Variants in ANKIB1 observed in about 807,000 individuals in gnomAD.
ANKIB1 encodes the protein ankyrin repeat and IBR domain containing 1, also known as ankyrin repeat and IBR domain-containing protein 1.
Under a neutral mutation model 122.1 loss-of-function variants are expected in ANKIB1, and 43 were observed. The observed-to-expected ratio is 0.35, with a 90% CI of 0.28 to 0.45. The LOEUF is 0.45. Ranked by LOEUF, ANKIB1 falls within the 20% of genes least tolerant of loss-of-function variation. The pLI is 1.00. For missense variants in ANKIB1, 992 were observed against 1,329.5 expected (o/e 0.75, Z 3.95); for synonymous variants, 390 against 442.0 (o/e 0.88, Z 1.48).
intron 11 of ANKIB1, among the ~76,000 whole-genome samples, chr7:92,377,526 C>A (rs1332590013): frequency 2.0e-5 from 3 of 152,050 alleles, no homozygotes; most frequent in Non-Finnish European, 4.4e-5. Flanking sequence ...GACCAGTAGA[C>A]CTTCTTCATG....
At chr7:92,309,923 T>TAAAA (rs869276384) in intron 3 of ANKIB1, among the ~76,000 whole-genome samples, 10 of 96,048 alleles carry the variant, frequency 1.0e-4, no homozygotes, top group East Asian at 4.7e-4. Context: ...AGACTCCATC[T>TAAAA]AAAAAAAAAA....
At chr7:92,346,029 C>T (rs753816992) in intron 7 of ANKIB1, among the ~76,000 whole-genome samples, 1 of 152,116 alleles carries the variant, frequency 6.6e-6, no homozygotes. Context: ...CTGTCATTCC[C>T]AGGTTTCCTC....
intron 5 of ANKIB1, among the ~76,000 whole-genome samples, chr7:92,328,196 T>C (rs1030697358): frequency 2.6e-5 from 4 of 152,182 alleles, no homozygotes; most frequent in East Asian, 1.9e-4. Flanking sequence ...TTGAGTGAGA[T>C]TGAGCATTGA....
At chr7:92,275,824 G>C (rs1801890087) in intron 1 of ANKIB1, among the ~76,000 whole-genome samples, 1 of 152,078 alleles carries the variant, frequency 6.6e-6, no homozygotes, top group Non-Finnish European at 1.5e-5. Context: ...GCCCTTGCTG[G>C]TTGCCTAACC....
rs116386283 is a variant in ANKIB1, at chr7:92,273,970, A to C, written c.-90-20919A>C. Reference sequence around the variant, plus strand: ...TTATTTTTTGTAGAGATGAAGTCCCACTATGTTGTCCGGGCTGGTCTTGAA... The same window carrying C: ...TTATTTTTTGTAGAGATGAAGTCCCCCTATGTTGTCCGGGCTGGTCTTGAA... On this transcript the variant is annotated intron_variant, in intron 1 of 19. Transcript: ENST00000265742. 7.1e-3 allele frequency among the ~76,000 whole-genome samples: 1,085 copies of C among 151,930 alleles called. 11 individuals carry two copies. The highest frequency in any genetic ancestry group is 0.025 in the African/African-American group (1,033 of 41,436).
rs1262955064 is a variant in ANKIB1, at chr7:92,398,278, T to TGATAA, written c.2599_2600insGATAA (p.Ser867Ter). ...TGCAATACAGTTATCACTGCAAGAG[T>TGATAA]CTGGGCTGGCCCTCGATGAAGAAAC... On this transcript the variant is annotated stop_gained and frameshift_variant, in exon 20 of 20. Transcript: ENST00000265742. LOFTEE classifies it high-confidence loss of function. The TGATAA allele has an allele frequency of 6.2e-7, 1 of 1,613,702 alleles. No homozygotes were observed. Among genetic ancestry groups the TGATAA allele is most frequent in the Non-Finnish European group, 8.5e-7 (1 of 1,179,784 alleles).
At chr7:92,317,765 G>T (rs1422778820) in intron 3 of ANKIB1, among the ~76,000 whole-genome samples, 3 of 152,126 alleles carry the variant, frequency 2.0e-5, no homozygotes, top group Admixed American at 6.5e-5. Flanking sequence ...CCGTTCCAAA[G>T]AACTTTATAG....
rs77257621 is a variant in ANKIB1, at chr7:92,390,366, G to A, written c.2052+250G>A. Reference sequence around the variant, plus strand: ...TGCAAACATTTCCTGTAGCATTTATGTCTTTGTTTTAAACTGGTTGAAGTT... The same window carrying A: ...TGCAAACATTTCCTGTAGCATTTATATCTTTGTTTTAAACTGGTTGAAGTT... On this transcript the variant is annotated intron_variant, in intron 15 of 19. Transcript: ENST00000265742. Among the ~76,000 whole-genome samples, 11 of 152,154 alleles carry A rather than the reference G, an allele frequency of 7.2e-5. No homozygotes were observed. In the East Asian group the frequency reaches 2.1e-3, roughly 29 times the overall value.
chr7:92,316,122 T>C (rs548258284), intron 3 of ANKIB1, among the ~76,000 whole-genome samples: 1 of 152,304 alleles, frequency 6.6e-6, no homozygotes, highest in Non-Finnish European at 1.5e-5. Flanking sequence ...AGGTAGAACA[T>C]TTTATGTGCC....
At chr7:92,287,668 G>A (rs1339203158) in intron 1 of ANKIB1, among the ~76,000 whole-genome samples, 1 of 151,842 alleles carries the variant, frequency 6.6e-6, no homozygotes, top group Admixed American at 6.6e-5. Flanking sequence ...TCAAACTTCT[G>A]TCCACAAATT....
At chr7:92,291,567 C>CTTTTTTTTT (rs1188174295) in intron 1 of ANKIB1, among the ~76,000 whole-genome samples, 36 of 116,508 alleles carry the variant, frequency 3.1e-4, no homozygotes, top group East Asian at 7.9e-4. Context: ...TTTTCTTTTT[C>CTTTTTTTTT]TTTTTTTTTT....
chr7:92,338,967 TATA>T (rs1803370155), intron 5 of ANKIB1, among the ~76,000 whole-genome samples: 1 of 96,954 alleles, frequency 1.0e-5, no homozygotes, highest in Admixed American at 1.0e-4. Context: ...TATATATATA[TATA>T]TTTATATGAA....
chr7:92,357,827 C>CGAAG (rs1193403423), intron 9 of ANKIB1, among the ~76,000 whole-genome samples: 43 of 152,050 alleles, frequency 2.8e-4, no homozygotes, highest in Admixed American at 5.2e-4. Flanking sequence ...ACCTCTCTTC[C>CGAAG]CTACGTTGAT....
chr7:92,247,584 G>T (rs1276992759), intron 1 of ANKIB1, among the ~76,000 whole-genome samples: 1 of 152,100 alleles, frequency 6.6e-6, no homozygotes, highest in Admixed American at 6.6e-5. Flanking sequence ...TGAACTAGGC[G>T]TTTTTTCTCA....
chr7:92,286,576 T>C lies in ANKIB1; in HGVS notation c.-90-8313T>C, dbSNP rs1264601737. On this transcript the variant is annotated intron_variant, in intron 1 of 19. Transcript: ENST00000265742. ...CTCACTGCAACTTCTGCCTCCTGGGTTTAATCGATTCTCCTGCCTCAGCCT... is the reference window on the plus strand; with the variant it reads ...CTCACTGCAACTTCTGCCTCCTGGGCTTAATCGATTCTCCTGCCTCAGCCT... 2.0e-5 allele frequency among the ~76,000 whole-genome samples: 3 copies of C among 150,784 alleles called. No homozygotes were observed. The Admixed American group carries it at 2.0e-4, about 10-fold the overall frequency.
intron 11 of ANKIB1, among the ~76,000 whole-genome samples, chr7:92,382,175 A>G (rs1315858989): frequency 1.3e-5 from 2 of 152,246 alleles, no homozygotes; most frequent in African/African-American, 4.8e-5. Context: ...GATCAATTCA[A>G]CAAGAAGAGC....
At chr7:92,351,862 G>C (rs957827148) in intron 8 of ANKIB1, among the ~76,000 whole-genome samples, 1 of 151,232 alleles carries the variant, frequency 6.6e-6, no homozygotes, top group African/African-American at 2.4e-5. Flanking sequence ...CTGGGATTAC[G>C]GGCGCCCACT....
At chr7:92,296,382 C>T (rs1562774206) in intron 2 of ANKIB1, among the ~76,000 whole-genome samples, 1 of 152,112 alleles carries the variant, frequency 6.6e-6, no homozygotes, top group Non-Finnish European at 1.5e-5. Flanking sequence ...GCCACCATAG[C>T]CAGCTAATAT....
intron 7 of ANKIB1, among the ~76,000 whole-genome samples, chr7:92,348,786 A>AG (rs2131981809): frequency 6.6e-6 from 1 of 152,350 alleles, no homozygotes; most frequent in African/African-American, 2.4e-5. Flanking sequence ...AAGAATGCCA[A>AG]GGGAAAAAAA....
Sources: allele counts gnomAD v4.1 joint callset (sites outside exome capture counted in the v4.1 genomes callset), GRCh38; gene constraint gnomAD v4.1.1; transcripts MANE v1.5; gene names NCBI Gene and HGNC (gene_info 2026-07-23, HGNC 2026-07-21).